RECQL: variants seen among roughly 807,000 people sequenced by gnomAD.
RECQL encodes the protein ATP-dependent DNA helicase Q1.
Under a neutral mutation model 75.8 loss-of-function variants are expected in RECQL, and 73 were observed. The observed-to-expected ratio is 0.96, with a 90% CI of 0.80 to 1.17. RECQL has a LOEUF of 1.17. RECQL is among the 50% of genes most tolerant of loss of function. The pLI is 0.00. For missense variants in RECQL, 699 were observed against 772.1 expected, an observed-to-expected ratio of 0.91 and a Z score of 1.12; for synonymous variants, 248 against 254.4, an observed-to-expected ratio of 0.97 and a Z score of 0.24.
Position 21,476,835 on chromosome 12 carries a change from T to C in RECQL, c.949+76A>G, listed in dbSNP as rs73082666. ...TTTTTTGGTGTTATTCAGTTATCAG[T>C]ATAATTATCAATATGATATGAAGTC... On this transcript the variant is annotated intron_variant, in intron 8 of 14. Transcript: ENST00000444129. 15,070 of 859,966 alleles carry C rather than the reference T, an allele frequency of 0.018. 187 individuals carry two copies. The highest frequency in any genetic ancestry group is 0.053 in the Middle Eastern group (210 of 3,928). 53.3% of individuals were successfully genotyped at this position (859,966 alleles called of 1,614,324 possible). A position where few individuals can be genotyped will look rare whatever the true frequency, so the allele number is the denominator to read the frequency against.
chr12:21,496,161 C>T (rs1229167594), intron 2 of RECQL, among the ~76,000 whole-genome samples: 7 of 152,206 alleles, frequency 4.6e-5, no homozygotes, highest in African/African-American at 1.2e-4. Context: ...ACTTCCATGT[C>T]GCATTCAACT....
intron 5 of RECQL, 143 bp downstream of exon 5, chr12:21,486,336 C>T: frequency 9.6e-7 from 1 of 1,037,790 alleles, no homozygotes; most frequent in Non-Finnish European, 1.3e-6. Flanking sequence ...AGACAGTGGG[C>T]CAGAACTGGC....
Position 21,490,105 on chromosome 12 carries a change from T to C in RECQL, c.394+94A>G, listed in dbSNP as rs71581965. ...CAAACAAAAATGCACTTGATTTTTA[T>C]ATATGTATGATTATAAATTATTTTT... On this transcript the variant is annotated intron_variant, in intron 4 of 14. Transcript: ENST00000444129. 0.044 allele frequency: 26,034 copies of C among 598,384 alleles called. 723 individuals are homozygous for C. The highest frequency in any genetic ancestry group is 0.1 in the Middle Eastern group (211 of 2,106). The allele number at this position is 598,384 out of a possible 1,614,324, so 37.1% of individuals were successfully genotyped here. A position where few individuals can be genotyped will look rare whatever the true frequency, so the allele number is the denominator to read the frequency against.
At position 21,499,600 on chromosome 12, in the gene RECQL, T is replaced by C. The variant is rs774868232; in HGVS notation, c.-30A>G. ...TTTCTTTCCAAATTTGTTTCTAAAA[T>C]AATCCAAATTTCTTTCTAAAAATAA... On this transcript the variant is annotated 5_prime_UTR_variant, in exon 2 of 15. Coordinates refer to ENST00000444129, the MANE Select transcript of RECQL (RefSeq NM_002907.4). The C allele has an allele frequency of 6.4e-7, 1 of 1,570,974 alleles. No individual in the cohort carries two copies. Among genetic ancestry groups the C allele is most frequent in the Non-Finnish European group, 8.7e-7 (1 of 1,153,352 alleles).
At chr12:21,494,118 A>G (rs1053727572) in intron 2 of RECQL, among the ~76,000 whole-genome samples, 2 of 152,286 alleles carry the variant, frequency 1.3e-5, no homozygotes, top group African/African-American at 4.8e-5. Context: ...TGTGTCACAC[A>G]GTGGGAGATA....
chr12:21,469,683 G>A lies in RECQL; in HGVS notation c.*511C>T, dbSNP rs1942882375. The A allele has an allele frequency of 7.0e-6, 1 of 142,282 alleles. No individual in the cohort carries two copies. The highest frequency in any genetic ancestry group is 2.6e-5 in the African/African-American group (1 of 38,504). The allele number at this position is 142,282 out of a possible 1,614,324, so 8.8% of individuals were successfully genotyped here. A position where few individuals can be genotyped will look rare whatever the true frequency, so the allele number is the denominator to read the frequency against. ...TTTCTTAAAACATGAGATTTTTCTT[G>A]CAATTTTTTTTTTAAGCTCATCAGC... On this transcript the variant is annotated 3_prime_UTR_variant, in exon 15 of 15. Coordinates refer to ENST00000444129, the MANE Select transcript of RECQL (RefSeq NM_002907.4).
rs1942881678 is a variant in RECQL at position 21,469,641 on chromosome 12, T to C, written c.*553A>G. On this transcript the variant is annotated 3_prime_UTR_variant, in exon 15 of 15. Transcript: ENST00000444129. ...TTACATGAACTTATTCTCAAATATT[T>C]TACATTTTTTGTAAACTTTCTTAAA... 6.6e-6 allele frequency: 1 copy of C among 150,784 alleles called. No individual in the cohort carries two copies. Among genetic ancestry groups the C allele is most frequent in the African/African-American group, 2.4e-5 (1 of 40,900 alleles). 9.3% of individuals were successfully genotyped at this position (150,784 alleles called of 1,614,324 possible).
chr12:21,477,812 T>G lies in RECQL; in HGVS notation c.858A>C (p.Leu286=), dbSNP rs755971475. The G allele has an allele frequency of 4.3e-6, 7 of 1,609,344 alleles. 1 individual carries two copies. The South Asian group carries it at 6.6e-5, about 15-fold the overall frequency. Residue 286 remains leucine (L), a synonymous_variant, in exon 7 of 15, where the codon CTA becomes CTC. Coordinates refer to ENST00000444129, the MANE Select transcript of RECQL (RefSeq NM_002907.4). ...TFTASFNRPN[L]YYEVRQKPSN... is the part of the protein sequence containing the mutation. ...CATAAAAATTACATACCTCATAATA[T>G]AGATTTGGCCTATTAAAAGAAGCTG...
rs1491355154 is a variant in RECQL, at chr12:21,486,687, T to TTTA, written c.395-103_395-102insTAA. The TTTA allele has an allele frequency of 5.3e-5, 39 of 737,782 alleles. No individual in the cohort carries two copies. In the African/African-American group the frequency reaches 6.7e-4, roughly 13 times the overall value. 45.7% of individuals were successfully genotyped at this position (737,782 alleles called of 1,614,324 possible). The stretch of plus-strand genomic sequence containing the variant: ...TTTTTTTTTTTTTTTTTTTTTTTTT[T>TTTA]AGAGATGGAGTCTCACTCTCTTGCC... On this transcript the variant is annotated intron_variant, in intron 4 of 14. Coordinates refer to ENST00000444129, the MANE Select transcript of RECQL (RefSeq NM_002907.4).
At chr12:21,495,284 G>A (rs1943484002) in intron 2 of RECQL, among the ~76,000 whole-genome samples, 1 of 152,138 alleles carries the variant, frequency 6.6e-6, no homozygotes, top group South Asian at 2.1e-4. Flanking sequence ...AGTTTATTAG[G>A]GTAACTGTGC....
intron 6 of RECQL, among the ~76,000 whole-genome samples, chr12:21,479,453 C>A (rs560414401): frequency 6.6e-6 from 1 of 150,878 alleles, no homozygotes; most frequent in African/African-American, 2.4e-5. Flanking sequence ...CCCGGGTTCA[C>A]GCCATTCTCC....
At chr12:21,483,722 A>G (rs936179442) in intron 5 of RECQL, 148 bp from the exon 6 acceptor site, 6 of 613,840 alleles carry the variant, frequency 9.8e-6, no homozygotes, top group Non-Finnish European at 1.7e-5. Context: ...TAAAACTGAA[A>G]CCATGTCTCA....
At chr12:21,496,738 GC>G (rs1565576752) in intron 2 of RECQL, among the ~76,000 whole-genome samples, 1 of 152,262 alleles carries the variant, frequency 6.6e-6, no homozygotes, top group Non-Finnish European at 1.5e-5. Context: ...TCTATATCTG[GC>G]CCCTCCTATT....
intron 4 of RECQL, among the ~76,000 whole-genome samples, chr12:21,489,860 A>C (rs1943374887): frequency 6.6e-6 from 1 of 152,188 alleles, no homozygotes; most frequent in African/African-American, 2.4e-5. Context: ...GAAGTTTTTA[A>C]AACTCCTCCT....
At chr12:21,496,213 T>C (rs1943505741) in intron 2 of RECQL, among the ~76,000 whole-genome samples, 2 of 152,226 alleles carry the variant, frequency 1.3e-5, no homozygotes, top group Admixed American at 1.3e-4. Flanking sequence ...TTCTGGAGAT[T>C]GAGAATGGAT....
chr12:21,477,083 G>T, intron 7 of RECQL, 91 bp from the exon 8 acceptor site: 2 of 815,052 alleles, frequency 2.5e-6, no homozygotes, highest in South Asian at 4.1e-5. Flanking sequence ...GTTCTTTCAT[G>T]ACCATAGTGT....
chr12:21,483,255 G>A (rs751171650), intron 6 of RECQL, 121 bp downstream of exon 6: 35 of 750,902 alleles, frequency 4.7e-5, no homozygotes, highest in East Asian at 3.5e-4. Context: ...TCTGGATAAC[G>A]GATATTCAAT....
At chr12:21,490,461 C>T (rs1374281786) in intron 3 of RECQL, 83 bp from the exon 4 acceptor site, 2 of 818,712 alleles carry the variant, frequency 2.4e-6, no homozygotes, top group Non-Finnish European at 3.9e-6. Context: ...ATATATAAGA[C>T]TTCTAATACT....
chr12:21,496,936 G>T (rs1406345356), intron 2 of RECQL, among the ~76,000 whole-genome samples: 1 of 152,224 alleles, frequency 6.6e-6, no homozygotes, highest in Non-Finnish European at 1.5e-5. Context: ...CTGTAAGTTT[G>T]TGATGAATGC....
Sources: allele counts gnomAD v4.1 joint callset (sites outside exome capture counted in the v4.1 genomes callset), GRCh38; gene constraint gnomAD v4.1.1; transcripts MANE v1.5; gene names NCBI Gene and HGNC (gene_info 2026-07-23, HGNC 2026-07-21).